Variants in LRRC9 observed in about 807,000 individuals in gnomAD.
The protein encoded by LRRC9 is leucine rich repeat containing 9.
LRRC9 carries 122 observed loss-of-function variants against 63.2 expected under a neutral mutation model. The ratio of observed to expected loss-of-function variants is 1.93; its 90% CI spans 1.67 to 2.24. The LOEUF is 2.24. Ranked by LOEUF, LRRC9 falls within the 30% of genes most tolerant of loss-of-function variation. The pLI is 0.00. For missense variants in LRRC9, 1,071 were observed against 627.7 expected, an observed-to-expected ratio of 1.71 and a Z score of -7.55; for synonymous variants, 366 against 213.1, an observed-to-expected ratio of 1.72 and a Z score of -6.25.
intron 27 of LRRC9, among the ~76,000 whole-genome samples, chr14:60,024,398 TTA>T (rs59119438): frequency 0.74 from 111,771 of 151,798 alleles, 43,617 homozygotes; most frequent in Non-Finnish European, 0.87. Context: ...CTTGAAACTT[TTA>T]GAGAAGTAGC....
exon 27 of LRRC9, chr14:60,022,865 T>C (rs1454644310): frequency 7.5e-6 from 5 of 667,662 alleles, no homozygotes; most frequent in Non-Finnish European, 1.4e-5. Flanking sequence ...TTCCTCTTTC[T>C]ACAGGGTGAG....
chr14:60,019,235 C>G (rs1403632920), exon 26 of LRRC9: 3 of 695,270 alleles, frequency 4.3e-6, no homozygotes, highest in Non-Finnish European at 7.9e-6. Flanking sequence ...TGGCTATGGA[C>G]AGCAAGGAAT....
downstream of LRRC9, among the ~76,000 whole-genome samples, chr14:60,064,424 A>C (rs1894827730): frequency 6.6e-6 from 1 of 152,244 alleles, no homozygotes. Context: ...TTTTAACTAA[A>C]ATATGTAGAC....
At chr14:59,996,813 T>C (rs1293174768) in intron 17 of LRRC9, among the ~76,000 whole-genome samples, 1 of 152,182 alleles carries the variant, frequency 6.6e-6, no homozygotes, top group Non-Finnish European at 1.5e-5. Flanking sequence ...GAACCAGTGA[T>C]CCTGTTTCCA....
chr14:59,982,152 G>GTC, intron 16 of LRRC9, 92 bp downstream of exon 16: 3 of 620,128 alleles, frequency 4.8e-6, no homozygotes, highest in Non-Finnish European at 8.5e-6. Flanking sequence ...TAAACTGCCT[G>GTC]TCTGATGATG....
chr14:59,956,507 C>T (rs1566812692), intron 8 of LRRC9, among the ~76,000 whole-genome samples: 2 of 152,186 alleles, frequency 1.3e-5, no homozygotes, highest in Middle Eastern at 3.4e-3. Flanking sequence ...TTCCTCCATC[C>T]CTTTATTTTG....
At chr14:59,999,182 G>A (rs1271639877) in exon 19 of LRRC9, 1 of 701,364 alleles carries the variant, frequency 1.4e-6, no homozygotes, top group Non-Finnish European at 2.6e-6. Context: ...TGAAGAAGAA[G>A]CAACAGCAGC....
chr14:60,019,696 G>A (rs1451153943), intron 26 of LRRC9, among the ~76,000 whole-genome samples: 2 of 151,026 alleles, frequency 1.3e-5, no homozygotes, highest in African/African-American at 4.9e-5. Flanking sequence ...GCATGGACGT[G>A]GGCTTTTTTT....
intron 1 of LRRC9, among the ~76,000 whole-genome samples, chr14:59,921,450 TGAG>T (rs755494365): frequency 1.3e-5 from 2 of 151,704 alleles, no homozygotes; most frequent in Non-Finnish European, 2.9e-5. Flanking sequence ...GCAATTGGAA[TGAG>T]GAGGAGGAAA....
intron 8 of LRRC9, among the ~76,000 whole-genome samples, chr14:59,951,945 G>C (rs1432696566): frequency 6.6e-6 from 1 of 152,172 alleles, no homozygotes; most frequent in South Asian, 2.1e-4. Context: ...GATTACTGCT[G>C]TCTTTTTGTT....
intron 6 of LRRC9, among the ~76,000 whole-genome samples, chr14:59,933,343 C>CT (rs1173082405): frequency 4.6e-5 from 7 of 152,150 alleles, no homozygotes; most frequent in Non-Finnish European, 1.0e-4. Flanking sequence ...ATCCACAATC[C>CT]TTAACACAGT....
At chr14:60,021,151 G>A (rs1891086807) in intron 26 of LRRC9, among the ~76,000 whole-genome samples, 1 of 151,872 alleles carries the variant, frequency 6.6e-6, no homozygotes, top group Non-Finnish European at 1.5e-5. Context: ...CTTTGCCAAT[G>A]CTTGTTATTG....
intron 30 of LRRC9, among the ~76,000 whole-genome samples, chr14:60,055,971 C>A (rs1005741031): frequency 6.6e-6 from 1 of 151,358 alleles, no homozygotes; most frequent in African/African-American, 2.4e-5. Flanking sequence ...AGGATTTATT[C>A]TTTGCCATTA....
At chr14:59,993,238 A>T (rs1888361929) in intron 17 of LRRC9, among the ~76,000 whole-genome samples, 1 of 152,206 alleles carries the variant, frequency 6.6e-6, no homozygotes, top group South Asian at 2.1e-4. Context: ...GAGAAATAAA[A>T]TACCTTACAG....
At position 60,051,313 on chromosome 14, in the gene LRRC9, GT is replaced by G. The variant is rs1480570949; in HGVS notation, c.3991-1751del. 2.0e-5 allele frequency among the ~76,000 whole-genome samples: 3 copies of G among 152,230 alleles called. No homozygotes were observed. Among genetic ancestry groups the G allele is most frequent in the Non-Finnish European group, 4.4e-5 (3 of 68,040 alleles). On this transcript the variant is annotated intron_variant, in intron 29 of 31. Coordinates refer to ENST00000445360, the Ensembl canonical transcript of LRRC9. The surrounding 1 kb of genome is among the most constrained non-coding windows in gnomAD (Gnocchi z 4.7). ...GCCCCCCACAAGGGGGCCCCGCCCA[GT>G]GAGGAAGAATGGATCAGGGTGCCAC...
At position 59,965,190 on chromosome 14, in the gene LRRC9, A is replaced by G. The variant is rs201190228; in HGVS notation, c.1212-1399A>G. On this transcript the variant is annotated intron_variant, in intron 10 of 31. Transcript: ENST00000445360. ...TAGACAGGACCGGAATTTTATGCGT[A>G]TGGCCAGGTGAGGGCAGCAGAGAGC... Among the ~76,000 whole-genome samples the G allele has an allele frequency of 1.7e-4, 26 of 152,230 alleles. No individual in the cohort carries two copies. In the East Asian group the frequency reaches 4.5e-3, roughly 26 times the overall value.
intron 29 of LRRC9, among the ~76,000 whole-genome samples, chr14:60,052,150 A>G (rs1457279040): frequency 6.6e-6 from 1 of 152,106 alleles, no homozygotes; most frequent in African/African-American, 2.4e-5. Flanking sequence ...TCTTTTTTCT[A>G]TATCCTTTCC....
At chr14:59,977,268 G>A (rs1447613397) in exon 14 of LRRC9, 1 of 700,472 alleles carries the variant, frequency 1.4e-6, no homozygotes, top group African/African-American at 1.8e-5. Context: ...AGAGTGTTCA[G>A]GCCCATGAAA....
At chr14:60,052,064 T>C (rs997395419) in intron 29 of LRRC9, among the ~76,000 whole-genome samples, 3 of 152,206 alleles carry the variant, frequency 2.0e-5, no homozygotes, top group Admixed American at 2.0e-4. Context: ...CTGAGTTCAC[T>C]CACTGCTTTC....
Sources: gnomAD v4.1 joint callset for allele counts (sites outside exome capture counted in the v4.1 genomes callset) on GRCh38, gnomAD v4.1.1 for gene constraint, Gnocchi (gnomAD v3.1) non-coding constraint, MANE v1.5 for transcripts, NCBI Gene and HGNC (gene_info 2026-07-23, HGNC 2026-07-21) for gene names.